The following L3MBTL4 variants were observed in gnomAD, a reference collection of about 807,000 sequenced individuals.
L3MBTL4 encodes the protein lethal(3)malignant brain tumor-like protein 4.
L3MBTL4 carries 70 observed loss-of-function variants against 84.5 expected under a neutral mutation model. That is an observed-to-expected ratio of 0.83 (90% CI 0.68 to 1.01). L3MBTL4 has a LOEUF of 1.01. Among genes scored for constraint, L3MBTL4 ranks in the 50% least tolerant of loss-of-function variants. The pLI is 0.00. For synonymous variants in L3MBTL4, 274 were observed against 259.8 expected (o/e 1.05, Z -0.52); for missense variants, 715 against 754.8 (o/e 0.95, Z 0.62).
At chr18:6,148,612 TAGTG>T (rs2042753940) in intron 13 of L3MBTL4, among the ~76,000 whole-genome samples, 1 of 151,956 alleles carries the variant, frequency 6.6e-6, no homozygotes, top group Non-Finnish European at 1.5e-5. Context: ...GTTTATTTTG[TAGTG>T]AGGGGGGTCA....
At chr18:6,055,547 C>T (rs2145842235) in intron 16 of L3MBTL4, among the ~76,000 whole-genome samples, 1 of 152,286 alleles carries the variant, frequency 6.6e-6, no homozygotes, top group East Asian at 1.9e-4. Flanking sequence ...ACAGCTTGGT[C>T]AGCAAAGGTT....
intron 16 of L3MBTL4, among the ~76,000 whole-genome samples, chr18:5,977,435 G>A (rs1016871695): frequency 4.8e-4 from 73 of 152,184 alleles, no homozygotes; most frequent in African/African-American, 1.6e-3. Flanking sequence ...TGTCCTCTGC[G>A]CTTCTCCCAC....
At chr18:6,327,117 C>A (rs2051765866) in intron 1 of L3MBTL4, among the ~76,000 whole-genome samples, 1 of 152,170 alleles carries the variant, frequency 6.6e-6, no homozygotes, top group Non-Finnish European at 1.5e-5. Flanking sequence ...AGGTAAGGCT[C>A]ACCAAGTGTT....
At chr18:6,113,821 A>C (rs1354540516) in intron 14 of L3MBTL4, among the ~76,000 whole-genome samples, 3 of 152,184 alleles carry the variant, frequency 2.0e-5, no homozygotes, top group African/African-American at 4.8e-5. Flanking sequence ...CAGTAACACC[A>C]ATAATGAAAC....
At chr18:6,375,249 GCT>G (rs1166683376) in intron 1 of L3MBTL4, among the ~76,000 whole-genome samples, 1 of 151,790 alleles carries the variant, frequency 6.6e-6, no homozygotes, top group African/African-American at 2.4e-5. Context: ...CTACGGCTTG[GCT>G]CTCTCTCCCC....
chr18:6,242,367 TGAAA>T (rs2047488151), intron 7 of L3MBTL4, among the ~76,000 whole-genome samples: 1 of 152,186 alleles, frequency 6.6e-6, no homozygotes, highest in African/African-American at 2.4e-5. Context: ...CCATGCTTTC[TGAAA>T]GAGTGTCCCT....
chr18:6,031,460 G>C (rs962120825), intron 16 of L3MBTL4: 208 of 985,426 alleles, frequency 2.1e-4, no homozygotes, highest in Middle Eastern at 1.0e-3. Flanking sequence ...TTTGCCTCTT[G>C]AGAAATTCAG....
At chr18:6,188,738 A>G (rs2044911420) in intron 12 of L3MBTL4, among the ~76,000 whole-genome samples, 1 of 152,080 alleles carries the variant, frequency 6.6e-6, no homozygotes, top group African/African-American at 2.4e-5. Flanking sequence ...GAAACCCCAG[A>G]CCCTGAGCTG....
At chr18:6,301,035 T>C (rs1318671202) in intron 4 of L3MBTL4, among the ~76,000 whole-genome samples, 1 of 152,232 alleles carries the variant, frequency 6.6e-6, no homozygotes, top group Non-Finnish European at 1.5e-5. Context: ...CTTTTATTTT[T>C]AAAATCATTT....
chr18:5,977,257 G>A (rs563473193), intron 16 of L3MBTL4, among the ~76,000 whole-genome samples: 26 of 152,316 alleles, frequency 1.7e-4, no homozygotes, highest in African/African-American at 4.8e-4. Flanking sequence ...TGCAAGCTGC[G>A]GCTGTTCCTC....
At chr18:6,123,412 T>C (rs1157261534) in intron 14 of L3MBTL4, among the ~76,000 whole-genome samples, 1 of 152,162 alleles carries the variant, frequency 6.6e-6, no homozygotes, top group Non-Finnish European at 1.5e-5. Context: ...AATTGAATCA[T>C]GGGGGCAGGT....
chr18:6,039,657 C>T (rs1466838706), intron 16 of L3MBTL4, among the ~76,000 whole-genome samples: 1 of 152,176 alleles, frequency 6.6e-6, no homozygotes, highest in African/African-American at 2.4e-5. Context: ...ATCCTGTTTC[C>T]TGGGCCCTAA....
At chr18:6,395,879 TTAAAA>T (rs2055250236) in intron 1 of L3MBTL4, 1 of 152,178 alleles carries the variant, frequency 6.6e-6, no homozygotes, top group African/African-American at 2.4e-5. Flanking sequence ...TCCCAATGTC[TTAAAA>T]TAAGTACTGA....
intron 1 of L3MBTL4, chr18:6,395,495 G>A (rs1276800238): frequency 6.6e-6 from 1 of 152,134 alleles, no homozygotes. Flanking sequence ...TATTTTAAAA[G>A]TGTATTACTA....
chr18:6,042,572 C>T (rs1016103130), intron 16 of L3MBTL4, among the ~76,000 whole-genome samples: 2 of 152,150 alleles, frequency 1.3e-5, no homozygotes, highest in East Asian at 1.9e-4. Flanking sequence ...ATGGGTTTTC[C>T]GTCCTACATG....
At chr18:6,408,901 T>C (rs921602270) in intron 1 of L3MBTL4, among the ~76,000 whole-genome samples, 12 of 152,080 alleles carry the variant, frequency 7.9e-5, no homozygotes, top group African/African-American at 2.9e-4. Flanking sequence ...GGTCTCGAAC[T>C]CCTAAACTCA....
chr18:6,269,188 C>A (rs924094918), intron 4 of L3MBTL4, among the ~76,000 whole-genome samples: 1 of 152,148 alleles, frequency 6.6e-6, no homozygotes, highest in African/African-American at 2.4e-5. Context: ...AGTTGCCAGG[C>A]GCGGTGGCTC....
At chr18:6,106,392 G>C (rs1045934846) in intron 14 of L3MBTL4, among the ~76,000 whole-genome samples, 4 of 152,312 alleles carry the variant, frequency 2.6e-5, no homozygotes, top group South Asian at 2.1e-4. Flanking sequence ...AGGGAACATA[G>C]AATACTTTGA....
intron 1 of L3MBTL4, among the ~76,000 whole-genome samples, chr18:6,358,015 A>G (rs2053521802): frequency 6.6e-6 from 1 of 152,192 alleles, no homozygotes; most frequent in Non-Finnish European, 1.5e-5. Flanking sequence ...CGGAGCACAC[A>G]TCACGAAAAG....
Sources: allele counts gnomAD v4.1 joint callset (sites outside exome capture counted in the v4.1 genomes callset), GRCh38; gene constraint gnomAD v4.1.1; transcripts MANE v1.5; gene names NCBI Gene and HGNC (gene_info 2026-07-23, HGNC 2026-07-21).